FAM107B: variants seen among roughly 807,000 people sequenced by gnomAD.
FAM107B encodes protein FAM107B.
Under a neutral mutation model 31.5 loss-of-function variants are expected in FAM107B, and 21 were observed. That is an observed-to-expected ratio of 0.67 (90% CI 0.47 to 0.96). The LOEUF (loss-of-function observed/expected upper bound fraction) is 0.96, where lower values mean the gene tolerates loss of function less well. FAM107B is among the 40% of genes least tolerant of loss of function. The pLI, the probability that FAM107B is intolerant of heterozygous loss-of-function variation, is 0.00. For missense variants in FAM107B, 452 were observed against 377.1 expected, an observed-to-expected ratio of 1.20 and a Z score of -1.64; for synonymous variants, 157 against 141.5, an observed-to-expected ratio of 1.11 and a Z score of -0.78.
At chr10:14,620,529 C>G (rs1852982355) in intron 2 of FAM107B, among the ~76,000 whole-genome samples, 1 of 144,058 alleles carries the variant, frequency 6.9e-6, no homozygotes, top group Admixed American at 6.9e-5. Flanking sequence ...AAAATGCTTA[C>G]TGTATTTTTT....
chr10:14,769,682 G>A (rs954532624), intron 1 of FAM107B, among the ~76,000 whole-genome samples: 22 of 152,110 alleles, frequency 1.4e-4, no homozygotes, highest in African/African-American at 4.8e-4. Flanking sequence ...CACCGCGCCC[G>A]GCCACAATTG....
chr10:14,542,493 G>A (rs1271070253), intron 2 of FAM107B: 11 of 152,098 alleles, frequency 7.2e-5, no homozygotes. Context: ...CCCCACAAAG[G>A]GAGGGCCTGA....
intron 2 of FAM107B, among the ~76,000 whole-genome samples, chr10:14,659,381 C>A (rs1268862133): frequency 6.6e-6 from 1 of 152,058 alleles, no homozygotes; most frequent in Non-Finnish European, 1.5e-5. Context: ...GCAGAGGTTG[C>A]AGTGAGCTGA....
chr10:14,659,330 C>G (rs1237737924), intron 2 of FAM107B, among the ~76,000 whole-genome samples: 1 of 152,120 alleles, frequency 6.6e-6, no homozygotes, highest in East Asian at 1.9e-4. Context: ...AGTCTCAGCT[C>G]CTCCGGAGGC....
chr10:14,736,020 G>A (rs1453395539), intron 1 of FAM107B, among the ~76,000 whole-genome samples: 6 of 152,132 alleles, frequency 3.9e-5, no homozygotes, highest in Non-Finnish European at 5.9e-5. Flanking sequence ...GAGATTTTAT[G>A]TATGGTGCCT....
intron 2 of FAM107B, among the ~76,000 whole-genome samples, chr10:14,579,462 G>A (rs183939445): frequency 3.7e-4 from 57 of 152,306 alleles, no homozygotes; most frequent in African/African-American, 1.4e-3. Flanking sequence ...AATAAACAGA[G>A]GAAACCAGTG....
chr10:14,711,575 C>G (rs77916022), intron 1 of FAM107B, among the ~76,000 whole-genome samples: 35 of 152,212 alleles, frequency 2.3e-4, no homozygotes, highest in Admixed American at 2.1e-3. Context: ...TGTGTAAGCA[C>G]AGTCCTATGA....
intron 2 of FAM107B, among the ~76,000 whole-genome samples, chr10:14,582,444 T>G (rs1851668593): frequency 6.9e-6 from 1 of 145,878 alleles, no homozygotes; most frequent in South Asian, 2.3e-4. Context: ...TGGCACAATC[T>G]CTGCTCACGG....
chr10:14,668,606 A>C (rs1271476593), intron 1 of FAM107B, among the ~76,000 whole-genome samples: 6 of 152,222 alleles, frequency 3.9e-5, no homozygotes, highest in African/African-American at 1.2e-4. Flanking sequence ...TAAGAGGAAT[A>C]TCTAAATGAT....
intron 3 of FAM107B, among the ~76,000 whole-genome samples, chr10:14,524,015 T>A (rs963745706): frequency 6.7e-6 from 1 of 149,950 alleles, no homozygotes; most frequent in African/African-American, 2.5e-5. Flanking sequence ...CACAGGCACA[T>A]GCCACCACGC....
chr10:14,625,255 C>CGT (rs1475893924), intron 2 of FAM107B, among the ~76,000 whole-genome samples: 1 of 102,476 alleles, frequency 9.8e-6, no homozygotes, highest in African/African-American at 3.0e-5. Flanking sequence ...ATGTCGTGTG[C>CGT]GTGCGTGTGT....
At chr10:14,719,152 G>C (rs767288542) in intron 1 of FAM107B, among the ~76,000 whole-genome samples, 9 of 152,176 alleles carry the variant, frequency 5.9e-5, no homozygotes, top group Non-Finnish European at 1.3e-4. Context: ...CATAGGCTTA[G>C]AGCAGGATCC....
At chr10:14,730,264 T>C (rs1244699218) in intron 1 of FAM107B, among the ~76,000 whole-genome samples, 4 of 152,238 alleles carry the variant, frequency 2.6e-5, no homozygotes, top group African/African-American at 4.8e-5. Context: ...TGGTCTGAGA[T>C]GTCACATGGG....
intron 4 of FAM107B, 135 bp downstream of exon 4, chr10:14,521,734 G>A: frequency 7.6e-7 from 1 of 1,316,818 alleles, no homozygotes; most frequent in Non-Finnish European, 1.0e-6. Context: ...CCCATTTGCT[G>A]ACATTTGTCT....
At chr10:14,772,477 G>C (rs1323509545) in intron 1 of FAM107B, among the ~76,000 whole-genome samples, 1 of 151,896 alleles carries the variant, frequency 6.6e-6, no homozygotes, top group Non-Finnish European at 1.5e-5. Flanking sequence ...CTTAGCTCTC[G>C]GTGTTTGAAC....
At chr10:14,645,715 C>G (rs1214090152) in intron 2 of FAM107B, among the ~76,000 whole-genome samples, 2 of 152,190 alleles carry the variant, frequency 1.3e-5, no homozygotes, top group Non-Finnish European at 2.9e-5. Flanking sequence ...AGCGGCAATT[C>G]CAATTTCACC....
chr10:14,586,054 T>G (rs1851818619), intron 2 of FAM107B, among the ~76,000 whole-genome samples: 1 of 152,146 alleles, frequency 6.6e-6, no homozygotes, highest in Non-Finnish European at 1.5e-5. Flanking sequence ...AGCTCCTGCA[T>G]AAACAGGAAC....
intron 1 of FAM107B, among the ~76,000 whole-genome samples, chr10:14,742,087 C>T (rs1555989): frequency 0.49 from 74,972 of 151,742 alleles, 20,308 homozygotes; most frequent in African/African-American, 0.74. Context: ...GGTAATATTT[C>T]CACAGGTGTT....
intron 1 of FAM107B, among the ~76,000 whole-genome samples, chr10:14,706,321 C>G (rs1855518683): frequency 6.6e-6 from 1 of 151,686 alleles, no homozygotes; most frequent in Non-Finnish European, 1.5e-5. Flanking sequence ...TTTTTTAAGA[C>G]AGCTAAAGTA....
Sources: allele counts gnomAD v4.1 joint callset (sites outside exome capture counted in the v4.1 genomes callset), GRCh38; gene constraint gnomAD v4.1.1; transcripts MANE v1.5; gene names NCBI Gene and HGNC (gene_info 2026-07-23, HGNC 2026-07-21).